The following SFT2D2 variants were observed in gnomAD, a reference collection of about 807,000 sequenced individuals.
SFT2D2 encodes SFT2 domain containing 2.
In SFT2D2, 21 loss-of-function variants were observed where a neutral mutation model predicts 27.4. That is an observed-to-expected ratio of 0.77 (90% confidence interval 0.54 to 1.10). The LOEUF is 1.10. SFT2D2 is among the 50% of genes least tolerant of loss of function. SFT2D2 has a pLI of 0.00. For synonymous variants in SFT2D2, 72 were observed against 71.7 expected (o/e 1.00, Z -0.02); for missense variants, 187 against 194.2 (o/e 0.96, Z 0.22).
Position 168,247,957 on chromosome 1 carries a change from T to C in SFT2D2, c.*5417T>C, listed in dbSNP as rs896003453. On this transcript the variant is annotated 3_prime_UTR_variant, in exon 8 of 8. Transcript: ENST00000271375. ...TGATGAGCATTTTTTCATATGTTTG[T>C]TGGCTGCATAAATATCTTCTTTTGA... 1 of 152,254 alleles carries C rather than the reference T, an allele frequency of 6.6e-6. No homozygotes were observed. The highest frequency in any genetic ancestry group is 6.5e-5 in the Admixed American group (1 of 15,290). The allele number at this position is 152,254 out of a possible 1,614,324, so 9.4% of individuals were successfully genotyped here. A position where few individuals can be genotyped will look rare whatever the true frequency, so the allele number is the denominator to read the frequency against.
Position 168,242,830 on chromosome 1 carries a change from C to G in SFT2D2, c.*290C>G, listed in dbSNP as rs779384381. 5.3e-5 allele frequency: 22 copies of G among 417,114 alleles called. No homozygotes were observed. Among genetic ancestry groups the G allele is most frequent in the Non-Finnish European group, 9.0e-5 (20 of 222,710 alleles). 25.8% of individuals were successfully genotyped at this position (417,114 alleles called of 1,614,324 possible). A position where few individuals can be genotyped will look rare whatever the true frequency, so the allele number is the denominator to read the frequency against. The stretch of plus-strand genomic sequence containing the variant: ...TTGTCCCACTGAATTCCCATGAATA[C>G]AAACCTATTCAGCAACAGCACATAA... On this transcript the variant is annotated 3_prime_UTR_variant, in exon 8 of 8. Coordinates refer to ENST00000271375, the MANE Select transcript of SFT2D2 (RefSeq NM_199344.3).
In SFT2D2 at chr1:168,252,850, C is replaced by A. The variant is rs1031603527; in HGVS notation, c.*10310C>A. 45 of 152,306 alleles carry A rather than the reference C, an allele frequency of 3.0e-4. No homozygotes were observed. Among genetic ancestry groups the A allele is most frequent in the African/African-American group, 1.0e-3 (43 of 41,572 alleles). 9.4% of individuals were successfully genotyped at this position (152,306 alleles called of 1,614,324 possible). ...GAATTTTTGTATCCAAAAATACATTCTTGAGTACTACTTTTCCTACCTTGA... is the reference window on the plus strand; with the variant it reads ...GAATTTTTGTATCCAAAAATACATTATTGAGTACTACTTTTCCTACCTTGA... On this transcript the variant is annotated 3_prime_UTR_variant, in exon 8 of 8. Coordinates refer to ENST00000271375, the MANE Select transcript of SFT2D2 (RefSeq NM_199344.3).
intron 2 of SFT2D2, 49 bp downstream of exon 2, chr1:168,231,649 A>G (rs558937566): frequency 8.3e-6 from 13 of 1,571,754 alleles, no homozygotes; most frequent in Admixed American, 3.3e-5. Context: ...TGTCTTTGCT[A>G]TATATTCCCC....
intron 3 of SFT2D2, 114 bp downstream of exon 3, chr1:168,232,033 A>G: frequency 1.3e-6 from 1 of 774,686 alleles, no homozygotes; most frequent in Non-Finnish European, 2.2e-6. Context: ...GAATTTGGAG[A>G]GAAGTAGTTA....
At position 168,251,459 on chromosome 1, in the gene SFT2D2, G is replaced by A. The variant is rs1467828464; in HGVS notation, c.*8919G>A. 1 of 152,212 alleles carries A rather than the reference G, an allele frequency of 6.6e-6. No homozygotes were observed. The highest frequency in any genetic ancestry group is 1.5e-5 in the Non-Finnish European group (1 of 68,052). 9.4% of individuals were successfully genotyped at this position (152,212 alleles called of 1,614,324 possible). On this transcript the variant is annotated 3_prime_UTR_variant, in exon 8 of 8. Coordinates refer to ENST00000271375, the MANE Select transcript of SFT2D2 (RefSeq NM_199344.3). Reference sequence around the variant, plus strand: ...TGACAGATTTGCATCATGAGACTTAGTGGAATGAATTGGGAAATTGAAGGG... The same window carrying A: ...TGACAGATTTGCATCATGAGACTTAATGGAATGAATTGGGAAATTGAAGGG...
rs1647956814 is a variant in SFT2D2, at chr1:168,251,713, A to G, written c.*9173A>G. On this transcript the variant is annotated 3_prime_UTR_variant, in exon 8 of 8. Coordinates refer to ENST00000271375, the MANE Select transcript of SFT2D2 (RefSeq NM_199344.3). Reference sequence around the variant, plus strand: ...CTAGTTTTTTTTTTTTAATTTAAAAATCTTAAGTTTTTTTTAGTAAGCTTA... The same window carrying G: ...CTAGTTTTTTTTTTTTAATTTAAAAGTCTTAAGTTTTTTTTAGTAAGCTTA... 1 of 152,008 alleles carries G rather than the reference A, an allele frequency of 6.6e-6. No homozygotes were observed. The highest frequency in any genetic ancestry group is 2.4e-5 in the African/African-American group (1 of 41,410). 9.4% of individuals were successfully genotyped at this position (152,008 alleles called of 1,614,324 possible). A position where few individuals can be genotyped will look rare whatever the true frequency, so the allele number is the denominator to read the frequency against.
chr1:168,238,727 A>AG (rs990034530), intron 6 of SFT2D2, among the ~76,000 whole-genome samples: 6 of 151,610 alleles, frequency 4.0e-5, no homozygotes, highest in Non-Finnish European at 7.4e-5. Flanking sequence ...TAAATAAAGG[A>AG]GGGGGGTGCG....
intron 1 of SFT2D2, chr1:168,229,521 G>A (rs1700492612): frequency 6.6e-6 from 1 of 152,278 alleles, no homozygotes; most frequent in Non-Finnish European, 1.5e-5. Flanking sequence ...TCTTGCTGCT[G>A]ACAAGCCAGT....
chr1:168,249,148 C>T lies in SFT2D2; in HGVS notation c.*6608C>T, dbSNP rs1427203386. ...TTTGAATTTGTTTGCTCTTGCTTCT[C>T]TAGGTCTTTTAATTGTGATGTTAGG... On this transcript the variant is annotated 3_prime_UTR_variant, in exon 8 of 8. Transcript: ENST00000271375. The T allele has an allele frequency of 2.0e-5, 3 of 152,076 alleles. No individual in the cohort carries two copies. The highest frequency in any genetic ancestry group is 2.9e-5 in the Non-Finnish European group (2 of 68,032). 9.4% of individuals were successfully genotyped at this position (152,076 alleles called of 1,614,324 possible).
intron 1 of SFT2D2, among the ~76,000 whole-genome samples, chr1:168,226,703 A>G (rs1422389769): frequency 6.6e-6 from 1 of 152,178 alleles, no homozygotes; most frequent in African/African-American, 2.4e-5. Flanking sequence ...AACTGCCCCC[A>G]TCCCATGAGG....
intron 1 of SFT2D2, among the ~76,000 whole-genome samples, chr1:168,230,866 G>T (rs1647253911): frequency 6.6e-6 from 1 of 151,966 alleles, no homozygotes; most frequent in South Asian, 2.1e-4. Flanking sequence ...GGCTTCCCCT[G>T]AACTTTGCTC....
In SFT2D2 at chr1:168,252,142, A is replaced by G. The variant is rs767866383; in HGVS notation, c.*9602A>G. The stretch of plus-strand genomic sequence containing the variant: ...TTGTTAATGTAAATTGACAAAAAGT[A>G]TGTCCTTTTCTAGCAGGAGCAGATA... On this transcript the variant is annotated 3_prime_UTR_variant, in exon 8 of 8. Transcript: ENST00000271375. The G allele has an allele frequency of 6.6e-6, 1 of 152,222 alleles. No individual in the cohort carries two copies. Among genetic ancestry groups the G allele is most frequent in the Non-Finnish European group, 1.5e-5 (1 of 68,036 alleles). 9.4% of individuals were successfully genotyped at this position (152,222 alleles called of 1,614,324 possible). A position where few individuals can be genotyped will look rare whatever the true frequency, so the allele number is the denominator to read the frequency against.
chr1:168,237,347 T>C (rs775317145), intron 6 of SFT2D2, among the ~76,000 whole-genome samples: 9 of 151,890 alleles, frequency 5.9e-5, no homozygotes, highest in South Asian at 2.1e-4. Flanking sequence ...AGCTGAAGAG[T>C]AGGAAATTGT....
intron 6 of SFT2D2, among the ~76,000 whole-genome samples, chr1:168,238,579 G>T (rs1647565626): frequency 6.6e-6 from 1 of 152,096 alleles, no homozygotes; most frequent in South Asian, 2.1e-4. Context: ...AATTCTGGAG[G>T]CTGAGGCAGG....
intron 3 of SFT2D2, among the ~76,000 whole-genome samples, chr1:168,233,959 A>G (rs1419909887): frequency 6.6e-6 from 1 of 152,194 alleles, no homozygotes; most frequent in Admixed American, 6.5e-5. Context: ...TTGAGAGTGA[A>G]GCCTTGCAAC....
In SFT2D2 at chr1:168,252,517, C is replaced by G. The variant is rs1440524313; in HGVS notation, c.*9977C>G. On this transcript the variant is annotated 3_prime_UTR_variant, in exon 8 of 8. Coordinates refer to ENST00000271375, the MANE Select transcript of SFT2D2 (RefSeq NM_199344.3). ...CCAAGGGAGAGCTATGGTTTACATTCAATTTTTTGGTCTTTCTGCTATGAA... is the reference window on the plus strand; with the variant it reads ...CCAAGGGAGAGCTATGGTTTACATTGAATTTTTTGGTCTTTCTGCTATGAA... 6.6e-6 allele frequency: 1 copy of G among 152,024 alleles called. No homozygotes were observed. The highest frequency in any genetic ancestry group is 1.5e-5 in the Non-Finnish European group (1 of 68,014). 9.4% of individuals were successfully genotyped at this position (152,024 alleles called of 1,614,324 possible). A position where few individuals can be genotyped will look rare whatever the true frequency, so the allele number is the denominator to read the frequency against.
chr1:168,236,993 G>A lies in SFT2D2; in HGVS notation c.413+223G>A, dbSNP rs58344794. The stretch of plus-strand genomic sequence containing the variant: ...TAGTGGTCTTGAGTGGTCACAGGAG[G>A]CTCCTTGTTTGCCTGCTGTGGCATT... On this transcript the variant is annotated intron_variant, in intron 6 of 7. Coordinates refer to ENST00000271375, the MANE Select transcript of SFT2D2 (RefSeq NM_199344.3). Among the ~76,000 whole-genome samples the A allele has an allele frequency of 9.0e-3, 1,376 of 152,294 alleles. 23 individuals are homozygous for A. The highest frequency in any genetic ancestry group is 0.031 in the African/African-American group (1,304 of 41,550).
chr1:168,234,794 A>G (rs1170083731), intron 3 of SFT2D2, among the ~76,000 whole-genome samples: 4 of 152,158 alleles, frequency 2.6e-5, no homozygotes, highest in African/African-American at 9.7e-5. Context: ...GGCTTATCCA[A>G]CCTAGTGGTA....
Position 168,235,171 on chromosome 1 carries a change from A to C in SFT2D2, c.307A>C (p.Ile103Leu). Reference protein sequence around the residue: ...MFEPTRLIATIMVLLCFALTL... With the variant: ...MFEPTRLIATLMVLLCFALTL... ...TGAGCCTACTCGTTTGATTGCAACTATCATGGTGCTGGTAAGGTCTGCTTT... is the reference window on the plus strand; with the variant it reads ...TGAGCCTACTCGTTTGATTGCAACTCTCATGGTGCTGGTAAGGTCTGCTTT... The change falls in exon 4 of 8, where the codon ATC (isoleucine) becomes CTC (leucine). Residue 103 changes from isoleucine (I) to leucine (L), a missense_variant. Coordinates refer to ENST00000271375, the MANE Select transcript of SFT2D2 (RefSeq NM_199344.3). 1 of 1,614,212 alleles carries C rather than the reference A, an allele frequency of 6.2e-7. No homozygotes were observed. The highest frequency in any genetic ancestry group is 2.2e-5 in the East Asian group (1 of 44,884).
Sources: gnomAD v4.1 joint callset for allele counts (sites outside exome capture counted in the v4.1 genomes callset) on GRCh38, gnomAD v4.1.1 for gene constraint, MANE v1.5 for transcripts, NCBI Gene and HGNC (gene_info 2026-07-23, HGNC 2026-07-21) for gene names.